TNRC18: variants seen among roughly 807,000 people sequenced by gnomAD.
The protein encoded by TNRC18 is trinucleotide repeat containing 18, also known as trinucleotide repeat-containing gene 18 protein.
In TNRC18, 69 loss-of-function variants were observed where a neutral mutation model predicts 226.7. The ratio of observed to expected loss-of-function variants is 0.30; its 90% CI spans 0.25 to 0.37. TNRC18 has a LOEUF of 0.37. TNRC18 is among the 10% of genes least tolerant of loss of function. The pLI is 1.00. For missense variants in TNRC18, 4,754 were observed against 4,256.6 expected (o/e 1.12, Z -3.25); for synonymous variants, 2,449 against 1,927.6 (o/e 1.27, Z -7.09).
At chr7:5,379,072 C>T (rs1018694301) in intron 5 of TNRC18, among the ~76,000 whole-genome samples, 15 of 151,982 alleles carry the variant, frequency 9.9e-5, no homozygotes, top group African/African-American at 3.6e-4. Flanking sequence ...TGGTGCGCAC[C>T]TGTGATCCCA....
chr7:5,320,457 G>T, intron 23 of TNRC18, 31 bp from the exon 24 acceptor site: 1 of 1,564,154 alleles, frequency 6.4e-7, no homozygotes, highest in South Asian at 1.2e-5. Context: ...TGCAAGGTGT[G>T]GACACAGTTA....
At chr7:5,376,663 AT>A (rs1166939980) in intron 8 of TNRC18, among the ~76,000 whole-genome samples, 183 bp downstream of exon 8, 1 of 152,094 alleles carries the variant, frequency 6.6e-6, no homozygotes, top group African/African-American at 2.4e-5. Flanking sequence ...GCAGGAGCTC[AT>A]TGCAACAAGG....
rs1789725276 is a variant in TNRC18, at chr7:5,333,104, CCA to C, written c.5720-57_5720-56del. ...CAGCCTCGTGGGGACCCCTTCCCTC[CCA>C]CCCAGCCACATGGACACCATTCCTC... is the stretch of plus-strand genomic sequence containing the variant. On this transcript the variant is annotated intron_variant, in intron 18 of 29. Transcript: ENST00000430969. 2.0e-6 allele frequency: 3 copies of C among 1,523,170 alleles called. No individual in the cohort carries two copies. The East Asian group carries it at 7.4e-5, about 37-fold the overall frequency. The allele number at this position is 1,523,170 out of a possible 1,614,324, so 94.4% of individuals were successfully genotyped here.
chr7:5,374,626 C>T, intron 9 of TNRC18, 142 bp from the exon 10 acceptor site: 1 of 804,456 alleles, frequency 1.2e-6, no homozygotes, highest in Non-Finnish European at 1.9e-6. Flanking sequence ...CCACCCCGTC[C>T]CAGGCCAGAG....
At position 5,388,034 on chromosome 7, in the gene TNRC18, C is replaced by T. The variant is rs769217530; in HGVS notation, c.1790G>A (p.Arg597Gln). ...SLIKYSGSFA[R>Q]DAVAVRPGGC... ...ACCAGGGCGCACGGCCACGGCGTCC[C>T]GGGCAAAGCTGCCACTGTACTTTAT... Residue 597 changes from arginine (R) to glutamine (Q), a missense_variant, in exon 5 of 30, where the codon CGG (arginine) becomes CAG (glutamine). By Grantham distance (43) the Arg-to-Gln change is conservative. Coordinates refer to ENST00000430969, the MANE Select transcript of TNRC18 (RefSeq NM_001080495.3). 3.2e-6 allele frequency: 5 copies of T among 1,564,802 alleles called. No homozygotes were observed. The highest frequency in any genetic ancestry group is 1.2e-5 in the South Asian group (1 of 85,490).
chr7:5,421,879 A>G (rs1227461911), intron 1 of TNRC18, among the ~76,000 whole-genome samples: 2 of 152,248 alleles, frequency 1.3e-5, no homozygotes, highest in African/African-American at 4.8e-5. Context: ...AAAACCGTGA[A>G]GCCTTGCCAC....
At chr7:5,410,711 C>T (rs1781782618) in intron 2 of TNRC18, among the ~76,000 whole-genome samples, 1 of 149,638 alleles carries the variant, frequency 6.7e-6, no homozygotes, top group East Asian at 2.0e-4. Context: ...ACTAAAAATA[C>T]AAAAATTAGT....
chr7:5,314,270 G>T (rs1225826124), intron 26 of TNRC18, among the ~76,000 whole-genome samples: 1 of 152,136 alleles, frequency 6.6e-6, no homozygotes, highest in African/African-American at 2.4e-5. Flanking sequence ...GCGCCCAGCA[G>T]AAAGGCCTGG....
At chr7:5,404,137 C>T (rs1281822087) in intron 2 of TNRC18, among the ~76,000 whole-genome samples, 1 of 152,166 alleles carries the variant, frequency 6.6e-6, no homozygotes, top group East Asian at 1.9e-4. Flanking sequence ...CTTTGGGAGG[C>T]CAAGGCGGTT....
intron 2 of TNRC18, among the ~76,000 whole-genome samples, chr7:5,409,072 A>G (rs1781672388): frequency 6.6e-6 from 1 of 152,172 alleles, no homozygotes; most frequent in Non-Finnish European, 1.5e-5. Context: ...CAAGGTCAAC[A>G]AGGAAAGATC....
At chr7:5,379,270 G>T (rs954829209) in intron 5 of TNRC18, among the ~76,000 whole-genome samples, 1 of 151,924 alleles carries the variant, frequency 6.6e-6, no homozygotes, top group African/African-American at 2.4e-5. Flanking sequence ...TGCACCGGTA[G>T]TCCCAGGTAC....
chr7:5,418,185 A>G (rs1180527599), intron 2 of TNRC18, among the ~76,000 whole-genome samples: 5 of 152,202 alleles, frequency 3.3e-5, no homozygotes, highest in Admixed American at 3.3e-4. Flanking sequence ...CCAAGCCCAG[A>G]GCACAGAGCC....
intron 18 of TNRC18, among the ~76,000 whole-genome samples, chr7:5,341,036 T>A (rs1383518995): frequency 6.6e-6 from 1 of 152,018 alleles, no homozygotes; most frequent in East Asian, 1.9e-4. Flanking sequence ...GACTTTTAAG[T>A]TGAAGCCAAT....
At chr7:5,314,344 G>A (rs1214368412) in intron 26 of TNRC18, among the ~76,000 whole-genome samples, 1 of 152,000 alleles carries the variant, frequency 6.6e-6, no homozygotes, top group Non-Finnish European at 1.5e-5. Flanking sequence ...GGCCTCCTTC[G>A]GCGGTTCCCC....
chr7:5,418,850 C>T (rs1463267456), intron 2 of TNRC18, among the ~76,000 whole-genome samples: 1 of 152,224 alleles, frequency 6.6e-6, no homozygotes, highest in Non-Finnish European at 1.5e-5. Context: ...GCTGCTCCCA[C>T]CTCGTGGCTA....
At position 5,317,815 on chromosome 7, in the gene TNRC18, C is replaced by A. The variant is rs1297435967; in HGVS notation, c.6746-1743G>T. 2.6e-5 allele frequency among the ~76,000 whole-genome samples: 4 copies of A among 151,776 alleles called. No individual in the cohort carries two copies. In the East Asian group the frequency reaches 5.8e-4, roughly 22 times the overall value. ...CGACCACCCAGGCTCAGGTGATCCT[C>A]CCACTTCGGTCTCCCAAGTAGCTAG... On this transcript the variant is annotated intron_variant, in intron 24 of 29. Transcript: ENST00000430969.
chr7:5,388,435 C>T lies in TNRC18; in HGVS notation c.1389G>A (p.Lys463=). ...GGTCCGCCTCGGGCTTGAGCAGCTC[C>T]TTGGCAGGCACGTAGGCGCGGGGGT... ...SPDPRAYVPA[K]ELLKPEADPR... Residue 463 remains lysine, a synonymous_variant, in exon 5 of 30, where the codon AAG becomes AAA. Transcript: ENST00000430969. 7 of 1,468,950 alleles carry T rather than the reference C, an allele frequency of 4.8e-6. No individual in the cohort carries two copies. In the South Asian group the frequency reaches 6.6e-5, roughly 14 times the overall value. The allele number at this position is 1,468,950 out of a possible 1,614,324, so 91.0% of individuals were successfully genotyped here. A position where few individuals can be genotyped will look rare whatever the true frequency, so the allele number is the denominator to read the frequency against.
At position 5,362,811 on chromosome 7, in the gene TNRC18, G is replaced by A. The variant is rs771115682; in HGVS notation, c.4234C>T (p.Leu1412=). ...CTCTCCAGGGAGGGCCGCGCCACCA[G>A]GGCCCGCTCCGCACCTGTGGACAGG... The part of the protein sequence containing the change: ...SQEMGGAERA[L]VARPSLESLL... The change falls in exon 12 of 30, where the codon CTG becomes TTG. Residue 1412 remains leucine, a synonymous_variant. Coordinates refer to ENST00000430969, the MANE Select transcript of TNRC18 (RefSeq NM_001080495.3). 3 of 1,556,006 alleles carry A rather than the reference G, an allele frequency of 1.9e-6. No individual in the cohort carries two copies. Among genetic ancestry groups the A allele is most frequent in the Non-Finnish European group, 1.7e-6 (2 of 1,151,454 alleles).
chr7:5,308,619 G>C (rs1786844314), intron 29 of TNRC18, among the ~76,000 whole-genome samples: 1 of 152,032 alleles, frequency 6.6e-6, no homozygotes, highest in Admixed American at 6.6e-5. Flanking sequence ...GAGAGACCCA[G>C]AGAGAGTCAG....
Sources: allele counts gnomAD v4.1 joint callset (sites outside exome capture counted in the v4.1 genomes callset), GRCh38; gene constraint gnomAD v4.1.1; transcripts MANE v1.5; gene names NCBI Gene and HGNC (gene_info 2026-07-23, HGNC 2026-07-21).